The following EXOC4 variants were observed in gnomAD, a reference collection of about 807,000 sequenced individuals.
EXOC4 encodes exocyst complex component 4, also known as SEC8-like 1.
In EXOC4, 71 loss-of-function variants were observed where a neutral mutation model predicts 107.2. That is an observed-to-expected ratio of 0.66 (90% confidence interval 0.55 to 0.81). EXOC4 has a LOEUF of 0.81. Ranked by LOEUF, EXOC4 falls within the 30% of genes least tolerant of loss-of-function variation. The probability of loss-of-function intolerance (pLI) is 0.00; values close to 1 mark genes in which losing one functional copy is unlikely to be tolerated. For synonymous variants in EXOC4, 456 were observed against 441.2 expected (o/e 1.03, Z -0.42); for missense variants, 1,108 against 1,189.6 (o/e 0.93, Z 1.01).
intron 13 of EXOC4, among the ~76,000 whole-genome samples, chr7:133,921,947 C>A (rs151251179): frequency 6.6e-4 from 100 of 152,028 alleles, no homozygotes; most frequent in Non-Finnish European, 1.6e-4. Flanking sequence ...TTGAAAGTTT[C>A]TATTGACATT....
chr7:133,919,944 G>A (rs1220112096), intron 13 of EXOC4, among the ~76,000 whole-genome samples: 1 of 152,144 alleles, frequency 6.6e-6, no homozygotes, highest in African/African-American at 2.4e-5. Context: ...AATATGTTTA[G>A]TTGTATAAGA....
intron 7 of EXOC4, among the ~76,000 whole-genome samples, chr7:133,460,176 T>G (rs1019797764): frequency 6.6e-6 from 1 of 152,154 alleles, no homozygotes; most frequent in Admixed American, 6.5e-5. Flanking sequence ...AGTTAGATTC[T>G]CGTAAGGAGC....
chr7:133,494,567 A>G (rs1207373870), intron 9 of EXOC4, among the ~76,000 whole-genome samples: 1 of 152,236 alleles, frequency 6.6e-6, no homozygotes, highest in Non-Finnish European at 1.5e-5. Flanking sequence ...TAAATATGTC[A>G]TGAATCATTT....
intron 10 of EXOC4, among the ~76,000 whole-genome samples, chr7:133,719,474 T>A (rs1795063368): frequency 1.3e-5 from 2 of 151,778 alleles, no homozygotes; most frequent in African/African-American, 4.8e-5. Context: ...GTAATTTATT[T>A]TCCAGGAAGC....
intron 10 of EXOC4, among the ~76,000 whole-genome samples, chr7:133,661,696 A>AAAAAAAAC (rs1793687695): frequency 6.7e-6 from 1 of 149,464 alleles, no homozygotes; most frequent in Non-Finnish European, 1.5e-5. Context: ...AAACAAAAAA[A>AAAAAAAAC]AAAAAAACAA....
intron 12 of EXOC4, among the ~76,000 whole-genome samples, chr7:133,913,111 A>G (rs10954434): frequency 0.47 from 71,084 of 151,950 alleles, 17,960 homozygotes; most frequent in African/African-American, 0.66. Context: ...ACACACAGAA[A>G]CAGGAAATAA....
chr7:133,994,232 G>A (rs1794328155), intron 14 of EXOC4, among the ~76,000 whole-genome samples: 1 of 152,202 alleles, frequency 6.6e-6, no homozygotes, highest in Admixed American at 6.5e-5. Context: ...TTATGTTGCT[G>A]TGTTAGTTTG....
chr7:134,080,567 G>A, the EXOC4 span, among the ~76,000 whole-genome samples: 1 of 152,022 alleles, frequency 6.6e-6, no homozygotes, highest in Non-Finnish European at 1.5e-5. Context: ...ACTAGTCAGT[G>A]ATCAAGGAGA....
chr7:134,099,092 G>C, the EXOC4 span, among the ~76,000 whole-genome samples: 6 of 152,144 alleles, frequency 3.9e-5, no homozygotes, highest in Non-Finnish European at 8.8e-5. Flanking sequence ...TAACCCCCCA[G>C]TACCTCAGAA....
chr7:133,541,606 C>T (rs1046368456), intron 9 of EXOC4, among the ~76,000 whole-genome samples: 2 of 152,058 alleles, frequency 1.3e-5, no homozygotes, highest in South Asian at 2.1e-4. Flanking sequence ...CACAAATGAT[C>T]CTCCCATCTC....
intron 9 of EXOC4, chr7:133,576,346 A>T: frequency 1.8e-6 from 1 of 566,104 alleles, no homozygotes; most frequent in Non-Finnish European, 2.7e-6. Context: ...TTGGCAGATC[A>T]CACCTTAAGA....
chr7:133,863,635 C>T (rs1798578757), intron 11 of EXOC4, among the ~76,000 whole-genome samples: 1 of 152,134 alleles, frequency 6.6e-6, no homozygotes. Context: ...GGTGATTTCA[C>T]TTTGTAAAAG....
chr7:133,857,145 C>T lies in EXOC4; in HGVS notation c.1735-38454C>T, dbSNP rs1389279075. On this transcript the variant is annotated intron_variant, in intron 11 of 17. Coordinates refer to ENST00000253861, the MANE Select transcript of EXOC4 (RefSeq NM_021807.4). ...ATATATGTATATATATATACACATACACGTATATATATATATATATATATA... is the reference window on the plus strand; with the variant it reads ...ATATATGTATATATATATACACATATACGTATATATATATATATATATATA... Among the ~76,000 whole-genome samples, 71 of 35,006 alleles carry T rather than the reference C, an allele frequency of 2.0e-3. 4 individuals carry two copies. Among genetic ancestry groups the T allele is most frequent in the Non-Finnish European group, 2.4e-3 (50 of 20,534 alleles). 23.0% of individuals were successfully genotyped at this position (35,006 alleles called of 152,430 possible). A position where few individuals can be genotyped will look rare whatever the true frequency, so the allele number is the denominator to read the frequency against.
rs139348315 is a variant in EXOC4 at position 133,485,182 on chromosome 7, G to A, written c.1417+5044G>A. Among the ~76,000 whole-genome samples the A allele has an allele frequency of 1.3e-4, 19 of 151,884 alleles. No homozygotes were observed. In the East Asian group the frequency reaches 2.5e-3, roughly 20 times the overall value. Reference sequence around the variant, plus strand: ...TAAAAAGTATCATCATGGAGTTAAGGGTGCTGCATCTACTTCGTTACTTCC... The same window carrying A: ...TAAAAAGTATCATCATGGAGTTAAGAGTGCTGCATCTACTTCGTTACTTCC... On this transcript the variant is annotated intron_variant, in intron 9 of 17. Transcript: ENST00000253861.
At chr7:133,913,965 G>T (rs1002469310) in intron 12 of EXOC4, among the ~76,000 whole-genome samples, 2 of 152,170 alleles carry the variant, frequency 1.3e-5, no homozygotes, top group African/African-American at 4.8e-5. Context: ...GAAAGCAAAA[G>T]AATAGTATTT....
At chr7:133,555,070 T>A (rs1800666077) in intron 9 of EXOC4, among the ~76,000 whole-genome samples, 1 of 152,204 alleles carries the variant, frequency 6.6e-6, no homozygotes, top group African/African-American at 2.4e-5. Flanking sequence ...CCTGGGCAAG[T>A]TATTTATCTA....
intron 12 of EXOC4, among the ~76,000 whole-genome samples, chr7:133,916,975 T>TG (rs1272521143): frequency 6.6e-6 from 1 of 152,156 alleles, no homozygotes; most frequent in East Asian, 1.9e-4. Flanking sequence ...TGAAAAGACT[T>TG]GAAGCCTGTC....
At chr7:133,857,351 A>T (rs1180911249) in intron 11 of EXOC4, among the ~76,000 whole-genome samples, 2 of 40,910 alleles carry the variant, frequency 4.9e-5, no homozygotes, top group Admixed American at 4.2e-4. Flanking sequence ...ATATATATAT[A>T]TATATATATA....
At chr7:133,397,291 A>AT (rs59222298) in intron 7 of EXOC4, among the ~76,000 whole-genome samples, 140,578 of 142,878 alleles carry the variant, frequency 0.98, 69,155 homozygotes, top group Middle Eastern at 1. Flanking sequence ...ACCCAGCCAA[A>AT]TTTTTTTTTT....
Sources: gnomAD v4.1 joint callset for allele counts (sites outside exome capture counted in the v4.1 genomes callset) on GRCh38, gnomAD v4.1.1 for gene constraint, MANE v1.5 for transcripts, NCBI Gene and HGNC (gene_info 2026-07-23, HGNC 2026-07-21) for gene names.